GABRB2: variants seen among roughly 807,000 people sequenced by gnomAD.
GABRB2 encodes the protein gamma-aminobutyric acid receptor subunit beta-2.
Under a neutral mutation model 54.7 loss-of-function variants are expected in GABRB2, and 16 were observed. The observed-to-expected ratio is 0.29, with a 90% CI of 0.20 to 0.44. GABRB2 has a LOEUF of 0.44. Ranked by LOEUF, GABRB2 falls within the 20% of genes least tolerant of loss-of-function variation. The pLI, the probability that GABRB2 is intolerant of heterozygous loss-of-function variation, is 1.00. For synonymous variants in GABRB2, 244 were observed against 233.8 expected (o/e 1.04, Z -0.40); for missense variants, 355 against 644.0 (o/e 0.55, Z 4.86).
rs867892883 is a variant in GABRB2, at chr5:161,369,074, C to T, written c.542-32305G>A. On this transcript the variant is annotated intron_variant, in intron 5 of 9. Transcript: ENST00000393959. ...ACTAAGTAATGCCTATGGGCCCCAC[C>T]GCATTTACATTTGGCAACTTCTAAC... 6.6e-5 allele frequency among the ~76,000 whole-genome samples: 10 copies of T among 152,280 alleles called. No individual in the cohort carries two copies. In the South Asian group the frequency reaches 1.5e-3, roughly 22 times the overall value.
chr5:161,399,746 T>C (rs1158695243), intron 5 of GABRB2, among the ~76,000 whole-genome samples: 1 of 152,208 alleles, frequency 6.6e-6, no homozygotes, highest in Non-Finnish European at 1.5e-5. Flanking sequence ...CTTGCTAACA[T>C]GGGTGGCCTT....
rs144791096 is a variant in GABRB2, at chr5:161,298,476, T to C, written c.1192-4048A>G. ...AACTTCTGGCATGGCACCTGGCACA[T>C]AGCAGATGCTCAATAAGTAAATATT... On this transcript the variant is annotated intron_variant, in intron 9 of 9. Coordinates refer to ENST00000393959, the MANE Select transcript of GABRB2 (RefSeq NM_001371727.1). Among the ~76,000 whole-genome samples the C allele has an allele frequency of 8.7e-4, 132 of 152,368 alleles. No individual in the cohort carries two copies. In the East Asian group the frequency reaches 0.021, roughly 24 times the overall value.
At chr5:161,300,910 C>T in intron 9 of GABRB2, among the ~76,000 whole-genome samples, 1 of 152,166 alleles carries the variant, frequency 6.6e-6, no homozygotes, top group East Asian at 1.9e-4. Flanking sequence ...AAACAGCTTT[C>T]ATAGACAGAG....
At chr5:161,545,885 C>G (rs1760969223) in intron 2 of GABRB2, among the ~76,000 whole-genome samples, 1 of 152,116 alleles carries the variant, frequency 6.6e-6, no homozygotes, top group African/African-American at 2.4e-5. Context: ...TAACCCTGGC[C>G]AGAAGAACTC....
intron 3 of GABRB2, among the ~76,000 whole-genome samples, chr5:161,475,899 G>A (rs1252229496): frequency 6.6e-6 from 1 of 151,862 alleles, no homozygotes; most frequent in Non-Finnish European, 1.5e-5. Flanking sequence ...ACAAGACAAA[G>A]ATGTCCACTT....
intron 9 of GABRB2, among the ~76,000 whole-genome samples, chr5:161,321,325 C>A (rs1193057834): frequency 6.6e-6 from 1 of 152,092 alleles, no homozygotes; most frequent in African/African-American, 2.4e-5. Flanking sequence ...TAGTTTACAT[C>A]ATAAGATTAT....
chr5:161,357,020 A>C (rs2113444789), intron 5 of GABRB2, among the ~76,000 whole-genome samples: 1 of 152,358 alleles, frequency 6.6e-6, no homozygotes, highest in Middle Eastern at 3.4e-3. Flanking sequence ...CCTCATTGAA[A>C]ATACATTTTA....
At chr5:161,513,735 T>G (rs1759850143) in intron 3 of GABRB2, among the ~76,000 whole-genome samples, 1 of 152,088 alleles carries the variant, frequency 6.6e-6, no homozygotes, top group African/African-American at 2.4e-5. Context: ...TCAGCATTCA[T>G]ACAGTATATC....
At chr5:161,538,802 C>T (rs962122298) in intron 3 of GABRB2, among the ~76,000 whole-genome samples, 5 of 150,400 alleles carry the variant, frequency 3.3e-5, no homozygotes, top group African/African-American at 1.2e-4. Context: ...GCCCAGGCAA[C>T]AAAGCGAGAC....
chr5:161,459,014 C>T (rs547493402), intron 4 of GABRB2: 6 of 152,096 alleles, frequency 3.9e-5, no homozygotes, highest in Non-Finnish European at 5.9e-5. Flanking sequence ...TGAAACCATG[C>T]TTTCAGTACA....
chr5:161,410,264 C>A (rs777775428), intron 5 of GABRB2, among the ~76,000 whole-genome samples: 1 of 151,990 alleles, frequency 6.6e-6, no homozygotes, highest in Non-Finnish European at 1.5e-5. Context: ...AATGGAGATG[C>A]GTTATAAAAT....
At chr5:161,512,445 C>G (rs1192371716) in intron 3 of GABRB2, among the ~76,000 whole-genome samples, 1 of 151,860 alleles carries the variant, frequency 6.6e-6, no homozygotes, top group Non-Finnish European at 1.5e-5. Flanking sequence ...TTGACAAAGT[C>G]AATGAAAATA....
chr5:161,414,826 T>G (rs1464571527), intron 4 of GABRB2, among the ~76,000 whole-genome samples: 2 of 152,058 alleles, frequency 1.3e-5, no homozygotes, highest in Non-Finnish European at 2.9e-5. Context: ...AGGATTTTGA[T>G]GCAATTATCT....
intron 3 of GABRB2, among the ~76,000 whole-genome samples, chr5:161,463,051 C>T (rs752368450): frequency 2.0e-5 from 3 of 151,920 alleles, no homozygotes; most frequent in Non-Finnish European, 4.4e-5. Context: ...TTATCACCAC[C>T]CGAGAAGGAT....
At chr5:161,401,974 G>T (rs1756208055) in intron 5 of GABRB2, among the ~76,000 whole-genome samples, 1 of 152,056 alleles carries the variant, frequency 6.6e-6, no homozygotes, top group African/African-American at 2.4e-5. Flanking sequence ...TATGCCTCCT[G>T]TAAATGGGGC....
Position 161,502,431 on chromosome 5 carries a change from G to A in GABRB2, c.238-42587C>T, listed in dbSNP as rs193272959. Among the ~76,000 whole-genome samples the A allele has an allele frequency of 4.6e-5, 7 of 152,174 alleles. No homozygotes were observed. The East Asian group carries it at 1.4e-3, about 29-fold the overall frequency. ...ACAAATCTAATGTTATCTTGGATGA[G>A]CAATACGAGATGAAAACATATTTCT... On this transcript the variant is annotated intron_variant, in intron 3 of 9. Coordinates refer to ENST00000393959, the MANE Select transcript of GABRB2 (RefSeq NM_001371727.1).
chr5:161,401,321 C>CA (rs2113080606), intron 5 of GABRB2, among the ~76,000 whole-genome samples: 1 of 152,210 alleles, frequency 6.6e-6, no homozygotes, highest in East Asian at 1.9e-4. Context: ...TTTGCAAATA[C>CA]AAAAATAACT....
intron 3 of GABRB2, among the ~76,000 whole-genome samples, chr5:161,527,513 T>G (rs1760319900): frequency 6.6e-6 from 1 of 151,530 alleles, no homozygotes; most frequent in African/African-American, 2.4e-5. Context: ...AATAAAAACC[T>G]TCTGGACAAT....
intron 3 of GABRB2, among the ~76,000 whole-genome samples, chr5:161,490,437 C>T (rs953331551): frequency 2.6e-5 from 4 of 151,586 alleles, no homozygotes; most frequent in African/African-American, 9.7e-5. Flanking sequence ...CACATAGGCA[C>T]CTCCTAAAGC....
Sources: gnomAD v4.1 joint callset for allele counts (sites outside exome capture counted in the v4.1 genomes callset) on GRCh38, gnomAD v4.1.1 for gene constraint, MANE v1.5 for transcripts, NCBI Gene and HGNC (gene_info 2026-07-23, HGNC 2026-07-21) for gene names.